Variants in PREPL observed in about 807,000 individuals in gnomAD.
PREPL encodes the protein prolyl endopeptidase like.
A neutral mutation model predicts 70.6 loss-of-function variants in PREPL; 77 were observed. That is an observed-to-expected ratio of 1.09 (90% confidence interval 0.91 to 1.32). PREPL has a LOEUF of 1.32. Among genes scored for constraint, PREPL ranks in the 40% most tolerant of loss-of-function variants. The probability of loss-of-function intolerance (pLI) is 0.00; values close to 1 mark genes in which losing one functional copy is unlikely to be tolerated. For synonymous variants in PREPL, 315 were observed against 264.8 expected, an observed-to-expected ratio of 1.19 and a Z score of -1.84; for missense variants, 1,002 against 778.2, an observed-to-expected ratio of 1.29 and a Z score of -3.42.
chr2:44,324,353 C>T (rs1317495937), intron 10 of PREPL, among the ~76,000 whole-genome samples: 1 of 151,984 alleles, frequency 6.6e-6, no homozygotes, highest in African/African-American at 2.4e-5. Flanking sequence ...GTGCACTTAC[C>T]ACTACTGAAC....
intron 1 of PREPL, among the ~76,000 whole-genome samples, chr2:44,357,025 C>T (rs535331577): frequency 2.6e-5 from 4 of 152,178 alleles, no homozygotes; most frequent in Non-Finnish European, 4.4e-5. Context: ...AGGCTGGTCT[C>T]GAATTCCTGA....
intron 1 of PREPL, among the ~76,000 whole-genome samples, chr2:44,352,474 C>A (rs1366594051): frequency 1.3e-5 from 2 of 152,142 alleles, no homozygotes; most frequent in African/African-American, 4.8e-5. Context: ...GTTGCCCAGG[C>A]TGTTCTTGAA....
chr2:44,359,459 T>C lies in PREPL; in HGVS notation c.-49+1921A>G, dbSNP rs1439050097. The C allele has an allele frequency of 2.9e-6, 4 of 1,396,170 alleles. No individual in the cohort carries two copies. In the African/African-American group the frequency reaches 4.3e-5, roughly 15 times the overall value. The allele number at this position is 1,396,170 out of a possible 1,614,324, so 86.5% of individuals were successfully genotyped here. On this transcript the variant is annotated intron_variant, in intron 1 of 13. Transcript: ENST00000409411. Reference sequence around the variant, plus strand: ...TTTATTTTTAAATTAAAATTAATCTTAATGACCTACAAATAGGTTAACTTA... The same window carrying C: ...TTTATTTTTAAATTAAAATTAATCTCAATGACCTACAAATAGGTTAACTTA...
At position 44,317,971 on chromosome 2, in the gene PREPL, G is replaced by T; in HGVS notation, c.*3385C>A. 1 of 269,692 alleles carries T rather than the reference G, an allele frequency of 3.7e-6. No individual in the cohort carries two copies. The highest frequency in any genetic ancestry group is 3.0e-5 in the South Asian group (1 of 33,214). The allele number at this position is 269,692 out of a possible 1,614,324, so 16.7% of individuals were successfully genotyped here. ...AGATATAGCAAGCAAATAATAGAAA[G>T]CTTGCAACCCAGCTATAGCTATAAA... On this transcript the variant is annotated 3_prime_UTR_variant, in exon 14 of 14. Coordinates refer to ENST00000409411, the MANE Select transcript of PREPL (RefSeq NM_001171613.2).
intron 10 of PREPL, 36 bp from the exon 11 acceptor site, chr2:44,323,447 A>G: frequency 6.6e-7 from 1 of 1,511,672 alleles, no homozygotes; most frequent in South Asian, 1.2e-5. Flanking sequence ...ACTTCAAGTA[A>G]GAGGTTGGTA....
chr2:44,352,588 T>C (rs573688945), intron 1 of PREPL, among the ~76,000 whole-genome samples: 2 of 152,298 alleles, frequency 1.3e-5, no homozygotes, highest in South Asian at 4.1e-4. Flanking sequence ...TCTTTCTCTT[T>C]TCCTTTCTCA....
In PREPL at chr2:44,321,022, G is replaced by T; in HGVS notation, c.*334C>A. 2.6e-6 allele frequency: 1 copy of T among 385,370 alleles called. No homozygotes were observed. The highest frequency in any genetic ancestry group is 4.8e-6 in the Non-Finnish European group (1 of 210,398). The allele number at this position is 385,370 out of a possible 1,614,324, so 23.9% of individuals were successfully genotyped here. Reference sequence around the variant, plus strand: ...TCTAAAAGCATTTGCTAGCAAAGAGGCAGGACACTAATTTGTAAACTGCTC... The same window carrying T: ...TCTAAAAGCATTTGCTAGCAAAGAGTCAGGACACTAATTTGTAAACTGCTC... On this transcript the variant is annotated 3_prime_UTR_variant, in exon 14 of 14. Coordinates refer to ENST00000409411, the MANE Select transcript of PREPL (RefSeq NM_001171613.2).
At chr2:44,346,439 A>T (rs775760440) in intron 1 of PREPL, 49 bp from the exon 2 acceptor site, 10 of 1,582,966 alleles carry the variant, frequency 6.3e-6, no homozygotes, top group Non-Finnish European at 7.7e-6. Flanking sequence ...AGGGAAAAAA[A>T]ACTTTTGCTT....
intron 9 of PREPL, among the ~76,000 whole-genome samples, chr2:44,327,179 T>C (rs988266577): frequency 2.0e-5 from 3 of 152,204 alleles, no homozygotes; most frequent in Non-Finnish European, 4.4e-5. Flanking sequence ...CAATCCAGAA[T>C]TGATTCAACG....
intron 1 of PREPL, among the ~76,000 whole-genome samples, chr2:44,357,394 A>G (rs1167745761): frequency 6.6e-6 from 1 of 152,238 alleles, no homozygotes; most frequent in East Asian, 1.9e-4. Context: ...GTGTTTTCAC[A>G]GCTGCCGGGG....
Position 44,320,171 on chromosome 2 carries a change from T to C in PREPL, c.*1185A>G, listed in dbSNP as rs916521746. Reference sequence around the variant, plus strand: ...ACAAACAATTCTTAGAATCAAACACTTACGTAAATACTTTTTTAAAAAAAT... The same window carrying C: ...ACAAACAATTCTTAGAATCAAACACCTACGTAAATACTTTTTTAAAAAAAT... On this transcript the variant is annotated 3_prime_UTR_variant, in exon 14 of 14. Transcript: ENST00000409411. 5.8e-6 allele frequency: 9 copies of C among 1,549,864 alleles called. No individual in the cohort carries two copies. The highest frequency in any genetic ancestry group is 8.0e-6 in the Non-Finnish European group (9 of 1,124,270).
upstream of PREPL, chr2:44,361,641 G>A (rs919614275): frequency 9.8e-6 from 2 of 203,190 alleles, no homozygotes; most frequent in Admixed American, 6.0e-5. Flanking sequence ...GGGTTCCTGG[G>A]TTCTTTAGTC....
chr2:44,319,643 TCTAA>T lies in PREPL; in HGVS notation c.*1709_*1712del, dbSNP rs1163632800. The T allele has an allele frequency of 6.5e-6, 1 of 153,134 alleles. No individual in the cohort carries two copies. The highest frequency in any genetic ancestry group is 1.5e-5 in the Non-Finnish European group (1 of 68,744). The allele number at this position is 153,134 out of a possible 1,614,324, so 9.5% of individuals were successfully genotyped here. ...TTATGGTAAAAAAAAGTCTACAATT[TCTAA>T]CTTTCACCTTAGGCAGCTTTTTATT... is the stretch of plus-strand genomic sequence containing the variant. On this transcript the variant is annotated 3_prime_UTR_variant, in exon 14 of 14. Transcript: ENST00000409411.
intron 7 of PREPL, among the ~76,000 whole-genome samples, chr2:44,335,239 G>A (rs557038811): frequency 6.6e-6 from 1 of 152,110 alleles, no homozygotes; most frequent in Non-Finnish European, 1.5e-5. Flanking sequence ...GGAAACTGGG[G>A]CATATCTTTA....
At chr2:44,354,078 C>T (rs1676746621) in intron 1 of PREPL, among the ~76,000 whole-genome samples, 1 of 152,044 alleles carries the variant, frequency 6.6e-6, no homozygotes, top group African/African-American at 2.4e-5. Context: ...ACAGCACGAG[C>T]CCAGGAGGTT....
In PREPL at chr2:44,337,112, T is replaced by C. The variant is rs192291269; in HGVS notation, c.888+1239A>G. On this transcript the variant is annotated intron_variant, in intron 7 of 13. Coordinates refer to ENST00000409411, the MANE Select transcript of PREPL (RefSeq NM_001171613.2). ...AAATCATGACTTCATCCCCCAGAAATGTATAGCGCTTTAATAAAACAGAAT... is the reference window on the plus strand; with the variant it reads ...AAATCATGACTTCATCCCCCAGAAACGTATAGCGCTTTAATAAAACAGAAT... Among the ~76,000 whole-genome samples, 26 of 152,290 alleles carry C rather than the reference T, an allele frequency of 1.7e-4. No homozygotes were observed. In the East Asian group the frequency reaches 3.1e-3, roughly 18 times the overall value.
intron 2 of PREPL, among the ~76,000 whole-genome samples, chr2:44,345,102 G>A (rs146756476): frequency 3.2e-4 from 49 of 152,290 alleles, no homozygotes; most frequent in Admixed American, 3.1e-3. Flanking sequence ...GCTGTAGGGT[G>A]ACAAATACAA....
At chr2:44,326,673 T>G (rs538698112) in intron 10 of PREPL, 39 bp downstream of exon 10, 2 of 1,581,938 alleles carry the variant, frequency 1.3e-6, no homozygotes, top group African/African-American at 2.7e-5. Flanking sequence ...GCTTCACACC[T>G]CCCCCATTCT....
At chr2:44,341,336 G>A (rs1050804174) in intron 5 of PREPL, among the ~76,000 whole-genome samples, 1 of 151,988 alleles carries the variant, frequency 6.6e-6, no homozygotes, top group Non-Finnish European at 1.5e-5. Flanking sequence ...CATAGACTAG[G>A]ATCTATGTTT....
Sources: gnomAD v4.1 joint callset for allele counts (sites outside exome capture counted in the v4.1 genomes callset) on GRCh38, gnomAD v4.1.1 for gene constraint, MANE v1.5 for transcripts, NCBI Gene and HGNC (gene_info 2026-07-23, HGNC 2026-07-21) for gene names.